PTPRM: variants seen among roughly 807,000 people sequenced by gnomAD.
The protein encoded by PTPRM is protein tyrosine phosphatase receptor type M, also known as receptor-type tyrosine-protein phosphatase mu.
In PTPRM, 47 loss-of-function variants were observed where a neutral mutation model predicts 186.7. The observed-to-expected ratio is 0.25, with a 90% CI of 0.20 to 0.32. The LOEUF is 0.32. PTPRM is among the 10% of genes least tolerant of loss of function. The pLI, the probability that PTPRM is intolerant of heterozygous loss-of-function variation, is 1.00. For missense variants in PTPRM, 1,494 were observed against 1,865.0 expected (o/e 0.80, Z 3.66); for synonymous variants, 668 against 674.9 (o/e 0.99, Z 0.16).
chr18:7,713,046 G>A (rs146139501), intron 1 of PTPRM, among the ~76,000 whole-genome samples: 105 of 152,188 alleles, frequency 6.9e-4, no homozygotes, highest in African/African-American at 2.5e-3. Flanking sequence ...CTTGAGAAGA[G>A]CAACCCCAAG....
chr18:8,124,141 C>T (rs1174363630), intron 13 of PTPRM, among the ~76,000 whole-genome samples: 2 of 152,152 alleles, frequency 1.3e-5, no homozygotes, highest in South Asian at 2.1e-4. Context: ...GCTGCTATTC[C>T]TCCTAAGGGC....
intron 14 of PTPRM, among the ~76,000 whole-genome samples, chr18:8,234,979 C>CA (rs1315895708): frequency 6.6e-6 from 1 of 152,008 alleles, no homozygotes; most frequent in Non-Finnish European, 1.5e-5. Flanking sequence ...TTGTTGGATT[C>CA]AATTTGCTAT....
chr18:7,858,054 A>G (rs989509011), intron 2 of PTPRM, among the ~76,000 whole-genome samples: 1 of 152,202 alleles, frequency 6.6e-6, no homozygotes, highest in African/African-American at 2.4e-5. Context: ...ATTTCCAGCA[A>G]TTAAATCAAA....
intron 2 of PTPRM, among the ~76,000 whole-genome samples, chr18:7,779,140 C>T (rs559056984): frequency 4.6e-5 from 7 of 152,130 alleles, no homozygotes; most frequent in South Asian, 2.1e-4. Context: ...TAGCTATAAC[C>T]GTAGCTATTT....
chr18:8,336,941 C>T (rs1251358648), intron 22 of PTPRM, among the ~76,000 whole-genome samples: 1 of 152,054 alleles, frequency 6.6e-6, no homozygotes, highest in Non-Finnish European at 1.5e-5. Flanking sequence ...CACGCCACTG[C>T]ACTCCAGCCT....
At chr18:7,776,689 A>G (rs1461156239) in intron 2 of PTPRM, among the ~76,000 whole-genome samples, 1 of 152,158 alleles carries the variant, frequency 6.6e-6, no homozygotes, top group African/African-American at 2.4e-5. Context: ...ACAATTAGTG[A>G]ACAATCTAAA....
At chr18:8,248,302 T>G (rs1267462874) in intron 17 of PTPRM, 126 bp downstream of exon 17, 1 of 913,582 alleles carries the variant, frequency 1.1e-6, no homozygotes, top group Non-Finnish European at 1.8e-6. Context: ...ATGTGGGAGG[T>G]GGGTGGCCTG....
At chr18:7,956,736 C>T (rs1325485906) in intron 7 of PTPRM, among the ~76,000 whole-genome samples, 2 of 152,172 alleles carry the variant, frequency 1.3e-5, no homozygotes, top group African/African-American at 2.4e-5. Flanking sequence ...TTCTTTAAAC[C>T]TCGTCATCTC....
At position 7,655,318 on chromosome 18, in the gene PTPRM, C is replaced by T. The variant is rs2038821658; in HGVS notation, c.73+87427C>T. Among the ~76,000 whole-genome samples, 5 of 152,250 alleles carry T rather than the reference C, an allele frequency of 3.3e-5. No individual in the cohort carries two copies. In the South Asian group the frequency reaches 6.2e-4, roughly 19 times the overall value. On this transcript the variant is annotated intron_variant, in intron 1 of 32. Transcript: ENST00000580170. ...GTGATGGTCCTCCTGCCTCAGCGTCCCAAAGTGCTACGATTACAGGCATGA... is the reference window on the plus strand; with the variant it reads ...GTGATGGTCCTCCTGCCTCAGCGTCTCAAAGTGCTACGATTACAGGCATGA...
intron 11 of PTPRM, among the ~76,000 whole-genome samples, chr18:8,091,587 A>ATTTTTTTTTTTTT (rs371274350): frequency 7.1e-6 from 1 of 140,218 alleles, no homozygotes; most frequent in Non-Finnish European, 1.6e-5. Flanking sequence ...TGTCGAAAAG[A>ATTTTTTTTTTTTT]TTTTTTTTTT....
intron 1 of PTPRM, among the ~76,000 whole-genome samples, chr18:7,753,616 T>G (rs2041330616): frequency 6.6e-6 from 1 of 152,166 alleles, no homozygotes; most frequent in South Asian, 2.1e-4. Flanking sequence ...AGTATCAAAT[T>G]CCATTCTCAC....
intron 1 of PTPRM, among the ~76,000 whole-genome samples, chr18:7,592,385 A>C (rs1457613436): frequency 6.6e-6 from 1 of 152,222 alleles, no homozygotes; most frequent in African/African-American, 2.4e-5. Flanking sequence ...GCTGTAACTC[A>C]TCATATATTC....
intron 7 of PTPRM, among the ~76,000 whole-genome samples, chr18:8,067,005 A>G (rs1280077715): frequency 6.6e-6 from 1 of 152,180 alleles, no homozygotes; most frequent in Non-Finnish European, 1.5e-5. Flanking sequence ...TTAAGTATAT[A>G]TTTTCTTGGA....
chr18:7,782,055 C>T (rs1050494671), intron 2 of PTPRM, among the ~76,000 whole-genome samples: 2 of 152,176 alleles, frequency 1.3e-5, no homozygotes, highest in Non-Finnish European at 2.9e-5. Context: ...ATAAATTGGA[C>T]TGGAGTTGTA....
intron 1 of PTPRM, among the ~76,000 whole-genome samples, chr18:7,750,147 G>C (rs1421077217): frequency 2.0e-5 from 3 of 152,086 alleles, no homozygotes; most frequent in African/African-American, 7.2e-5. Context: ...TGTGACTAAA[G>C]GATATTTTTC....
At chr18:7,714,045 C>T (rs1052849425) in intron 1 of PTPRM, among the ~76,000 whole-genome samples, 2 of 152,116 alleles carry the variant, frequency 1.3e-5, no homozygotes, top group Admixed American at 6.5e-5. Flanking sequence ...ACAGAACTGT[C>T]CCCCCAAATC....
At chr18:7,788,265 C>T (rs991938948) in intron 2 of PTPRM, among the ~76,000 whole-genome samples, 7 of 152,076 alleles carry the variant, frequency 4.6e-5, no homozygotes, top group African/African-American at 1.4e-4. Context: ...CCTCTTTATA[C>T]TAATAAATGC....
intron 19 of PTPRM, among the ~76,000 whole-genome samples, chr18:8,256,153 AC>A (rs1479157466): frequency 1.3e-5 from 2 of 152,170 alleles, no homozygotes; most frequent in African/African-American, 2.4e-5. Context: ...TTTCATTAAC[AC>A]CCACCCAGAG....
intron 1 of PTPRM, among the ~76,000 whole-genome samples, chr18:7,765,680 T>C (rs1406352449): frequency 1.3e-5 from 2 of 152,344 alleles, no homozygotes; most frequent in East Asian, 3.9e-4. Context: ...AGATTTCATG[T>C]AATTTAGGAA....
Sources: gnomAD v4.1 joint callset for allele counts (sites outside exome capture counted in the v4.1 genomes callset) on GRCh38, gnomAD v4.1.1 for gene constraint, MANE v1.5 for transcripts, NCBI Gene and HGNC (gene_info 2026-07-23, HGNC 2026-07-21) for gene names.